The following MNAT1 variants were observed in gnomAD, a reference collection of about 807,000 sequenced individuals.
The protein encoded by MNAT1 is MNAT1 component of CDK activating kinase, also known as CDK-activating kinase assembly factor MAT1.
Under a neutral mutation model 42.0 loss-of-function variants are expected in MNAT1, and 43 were observed. The observed-to-expected ratio is 1.02, with a 90% CI of 0.80 to 1.32. MNAT1 has a LOEUF of 1.32. Among genes scored for constraint, MNAT1 ranks in the 40% most tolerant of loss-of-function variants. MNAT1 has a pLI of 0.00. For missense variants in MNAT1, 306 were observed against 350.4 expected (o/e 0.87, Z 1.01); for synonymous variants, 118 against 120.0 (o/e 0.98, Z 0.11).
intron 1 of MNAT1, among the ~76,000 whole-genome samples, chr14:60,739,319 G>T (rs1386411473): frequency 6.6e-6 from 1 of 152,088 alleles, no homozygotes; most frequent in Non-Finnish European, 1.5e-5. Flanking sequence ...ACACAAGAGT[G>T]TGAATACCAA....
At chr14:60,828,362 C>A (rs2145538) in intron 6 of MNAT1, among the ~76,000 whole-genome samples, 152,306 of 152,308 alleles carry the variant, frequency 1, 76,152 homozygotes, top group Non-Finnish European at 1. Context: ...ACTATAATAG[C>A]CCAGTAAATT....
At chr14:60,800,286 C>T (rs1047371804) in intron 3 of MNAT1, among the ~76,000 whole-genome samples, 31 of 152,086 alleles carry the variant, frequency 2.0e-4, no homozygotes, top group African/African-American at 6.3e-4. Flanking sequence ...CAGTGACTCG[C>T]GCCTGTAATC....
chr14:60,918,226 T>TTGA (rs1555335718), intron 7 of MNAT1, among the ~76,000 whole-genome samples: 2 of 136,686 alleles, frequency 1.5e-5, no homozygotes, highest in Admixed American at 1.5e-4. Flanking sequence ...TTTTTTTTTT[T>TTGA]GAGATGGAGT....
chr14:60,842,245 C>T (rs1286618554), intron 6 of MNAT1, among the ~76,000 whole-genome samples: 1 of 152,176 alleles, frequency 6.6e-6, no homozygotes, highest in Non-Finnish European at 1.5e-5. Context: ...TACTTATCTG[C>T]TCCTTACAGA....
intron 7 of MNAT1, among the ~76,000 whole-genome samples, chr14:60,903,414 G>C (rs1410649035): frequency 6.6e-6 from 1 of 152,104 alleles, no homozygotes; most frequent in Non-Finnish European, 1.5e-5. Flanking sequence ...AAATGGATTA[G>C]TTTACGTTCT....
chr14:60,825,220 A>T (rs891521886), intron 6 of MNAT1, among the ~76,000 whole-genome samples: 1 of 152,220 alleles, frequency 6.6e-6, no homozygotes, highest in Admixed American at 6.5e-5. Flanking sequence ...CACAGCACTA[A>T]ATACCCACTA....
In MNAT1 at chr14:60,921,971, A is replaced by C. The variant is rs532346515; in HGVS notation, c.809+42136A>C. Among the ~76,000 whole-genome samples the C allele has an allele frequency of 3.9e-4, 60 of 152,276 alleles. No individual in the cohort carries two copies. In the South Asian group the frequency reaches 5.2e-3, roughly 13 times the overall value. On this transcript the variant is annotated intron_variant, in intron 7 of 7. Transcript: ENST00000261245. Reference sequence around the variant, plus strand: ...TTTCAGTCATTGGTTTAATACTTTCATAGTAAATTTGTTTAATAACACTAG... The same window carrying C: ...TTTCAGTCATTGGTTTAATACTTTCCTAGTAAATTTGTTTAATAACACTAG...
chr14:60,834,755 G>A lies in MNAT1; in HGVS notation c.687+15908G>A, dbSNP rs530793756. 2.6e-5 allele frequency among the ~76,000 whole-genome samples: 4 copies of A among 152,208 alleles called. No homozygotes were observed. In the East Asian group the frequency reaches 5.8e-4, roughly 22 times the overall value. On this transcript the variant is annotated intron_variant, in intron 6 of 7. Coordinates refer to ENST00000261245, the MANE Select transcript of MNAT1 (RefSeq NM_002431.4). ...TTGATCAGTCTAAAATTGACAGTGG[G>A]GTGTTAAAGTCTCCCACTATTGGGA...
chr14:60,928,652 G>A (rs548134154), intron 7 of MNAT1, among the ~76,000 whole-genome samples: 1 of 151,986 alleles, frequency 6.6e-6, no homozygotes, highest in South Asian at 2.1e-4. Context: ...TTGGTATGAT[G>A]TCTGTTCAGA....
chr14:60,812,959 G>A (rs894513724), intron 5 of MNAT1, among the ~76,000 whole-genome samples: 2 of 152,206 alleles, frequency 1.3e-5, no homozygotes, highest in Non-Finnish European at 2.9e-5. Flanking sequence ...TACCCAGAAA[G>A]GCTGTCACAC....
intron 6 of MNAT1, among the ~76,000 whole-genome samples, chr14:60,849,433 C>G (rs1419299501): frequency 1.3e-5 from 2 of 152,114 alleles, no homozygotes; most frequent in South Asian, 2.1e-4. Flanking sequence ...GAGTTATAGT[C>G]TGCTCTAAAG....
chr14:60,788,375 AG>A (rs1368210173), intron 1 of MNAT1, among the ~76,000 whole-genome samples: 1 of 152,214 alleles, frequency 6.6e-6, no homozygotes, highest in East Asian at 1.9e-4. Flanking sequence ...TATAGAGCAC[AG>A]GCAGTATAGA....
intron 7 of MNAT1, among the ~76,000 whole-genome samples, chr14:60,912,692 C>G (rs1379335132): frequency 2.0e-5 from 3 of 152,206 alleles, no homozygotes; most frequent in Non-Finnish European, 4.4e-5. Flanking sequence ...AAGAGATCAG[C>G]TGTTAGTTAG....
chr14:60,825,213 A>G (rs1262362511), intron 6 of MNAT1, among the ~76,000 whole-genome samples: 1 of 152,238 alleles, frequency 6.6e-6, no homozygotes, highest in East Asian at 1.9e-4. Context: ...ATCACAACAC[A>G]GCACTAAATA....
intron 6 of MNAT1, among the ~76,000 whole-genome samples, chr14:60,873,327 T>A (rs1296271278): frequency 6.6e-6 from 1 of 152,164 alleles, no homozygotes; most frequent in Admixed American, 6.6e-5. Context: ...CAATAGTAGT[T>A]TTTTTATAGC....
chr14:60,964,143 A>C (rs981152444), intron 7 of MNAT1, among the ~76,000 whole-genome samples: 1 of 152,258 alleles, frequency 6.6e-6, no homozygotes, highest in Admixed American at 6.5e-5. Flanking sequence ...AGTGTAAATT[A>C]TTCCACTTTC....
intron 7 of MNAT1, among the ~76,000 whole-genome samples, chr14:60,914,943 A>G (rs1399281879): frequency 6.6e-6 from 1 of 152,242 alleles, no homozygotes; most frequent in East Asian, 1.9e-4. Context: ...ATTACCAATA[A>G]GATGGCAAAA....
At chr14:60,888,480 T>C (rs1400643953) in intron 7 of MNAT1, among the ~76,000 whole-genome samples, 4 of 151,998 alleles carry the variant, frequency 2.6e-5, no homozygotes, top group Non-Finnish European at 4.4e-5. Flanking sequence ...GACAAACCCA[T>C]AGCCAATATC....
Position 60,811,991 on chromosome 14 carries a change from G to A in MNAT1, c.425G>A (p.Arg142Gln), listed in dbSNP as rs765209560. 1.8e-5 allele frequency: 29 copies of A among 1,575,984 alleles called. No homozygotes were observed. The East Asian group carries it at 6.3e-4, about 34-fold the overall frequency. Residue 142 changes from arginine to glutamine, a missense_variant, in exon 5 of 8, where the codon CGA (arginine) becomes CAA (glutamine). Transcript: ENST00000261245. ...VIQKNKLKLT[R>Q]EQEELEEALE... The stretch of plus-strand genomic sequence containing the variant: ...ATATATAAATTTTTGTTTTAGACTC[G>A]AGAACAGGAAGAACTGGAAGAAGCT...
Sources: gnomAD v4.1 joint callset for allele counts (sites outside exome capture counted in the v4.1 genomes callset) on GRCh38, gnomAD v4.1.1 for gene constraint, MANE v1.5 for transcripts, NCBI Gene and HGNC (gene_info 2026-07-23, HGNC 2026-07-21) for gene names.